KAZN: variants seen among roughly 807,000 people sequenced by gnomAD.
KAZN encodes the protein kazrin, periplakin interacting protein, also known as kazrin.
Under a neutral mutation model 87.4 loss-of-function variants are expected in KAZN, and 40 were observed. The ratio of observed to expected loss-of-function variants is 0.46; its 90% CI spans 0.36 to 0.60. The LOEUF is 0.60. KAZN is among the 20% of genes least tolerant of loss of function. The probability of loss-of-function intolerance (pLI) is 0.00; values close to 1 mark genes in which losing one functional copy is unlikely to be tolerated. For missense variants in KAZN, 898 were observed against 1,073.9 expected (o/e 0.84, Z 2.29); for synonymous variants, 466 against 458.3 (o/e 1.02, Z -0.22).
intron 1 of KAZN, among the ~76,000 whole-genome samples, chr1:13,967,748 A>C (rs1416467924): frequency 6.6e-6 from 1 of 152,148 alleles, no homozygotes; most frequent in South Asian, 2.1e-4. Flanking sequence ...GCCAAGCCTT[A>C]AGATCCTAGT....
At chr1:14,069,029 C>T (rs1209079484) in intron 1 of KAZN, among the ~76,000 whole-genome samples, 1 of 152,158 alleles carries the variant, frequency 6.6e-6, no homozygotes, top group African/African-American at 2.4e-5. Context: ...GAACTCCTGA[C>T]CTCATGATGT....
At chr1:14,150,220 A>G (rs1645443122) in intron 1 of KAZN, among the ~76,000 whole-genome samples, 2 of 152,322 alleles carry the variant, frequency 1.3e-5, no homozygotes, top group Admixed American at 1.3e-4. Context: ...CCATGTTATC[A>G]CCACTCCAGT....
At chr1:14,124,645 G>T (rs770140914) in intron 1 of KAZN, among the ~76,000 whole-genome samples, 2 of 152,172 alleles carry the variant, frequency 1.3e-5, no homozygotes, top group Non-Finnish European at 2.9e-5. Flanking sequence ...GGACATCTTG[G>T]TATATTCGCC....
intron 2 of KAZN, among the ~76,000 whole-genome samples, chr1:14,236,132 G>A (rs190628073): frequency 4.6e-5 from 7 of 152,266 alleles, no homozygotes; most frequent in Non-Finnish European, 1.0e-4. Flanking sequence ...CAGATGTAGG[G>A]ACAATGGGAA....
intron 2 of KAZN, among the ~76,000 whole-genome samples, chr1:14,407,449 A>G (rs936141934): frequency 6.6e-6 from 1 of 152,210 alleles, no homozygotes; most frequent in Non-Finnish European, 1.5e-5. Context: ...AATGGGGGGA[A>G]AAAGAGGGAT....
intron 1 of KAZN, among the ~76,000 whole-genome samples, chr1:14,691,730 G>A (rs983736344): frequency 6.6e-6 from 1 of 151,976 alleles, no homozygotes; most frequent in African/African-American, 2.4e-5. Context: ...CAAGTGATCT[G>A]CCCGCCTCAG....
At chr1:14,518,565 G>T (rs1234372600) in intron 2 of KAZN, among the ~76,000 whole-genome samples, 3 of 152,218 alleles carry the variant, frequency 2.0e-5, no homozygotes, top group Non-Finnish European at 4.4e-5. Flanking sequence ...CCAAGGAAGA[G>T]ATGATCTGCT....
chr1:14,969,393 C>T (rs1664783360), intron 2 of KAZN, among the ~76,000 whole-genome samples: 1 of 152,250 alleles, frequency 6.6e-6, no homozygotes, highest in Non-Finnish European at 1.5e-5. Context: ...TAAATTCATA[C>T]GCTTGAAGCT....
At position 15,099,161 on chromosome 1, in the gene KAZN, C is replaced by T. The variant is rs1452536219; in HGVS notation, c.1548-2382C>T. Among the ~76,000 whole-genome samples, 3 of 152,020 alleles carry T rather than the reference C, an allele frequency of 2.0e-5. No individual in the cohort carries two copies. The highest frequency in any genetic ancestry group is 4.4e-5 in the Non-Finnish European group (3 of 67,992). ...CGGAGACAAGGGGGTCCCAGTGGAC[C>T]CAAGTGGTTCTGGGAGGCTGATGGG... On this transcript the variant is annotated intron_variant, in intron 10 of 14. Coordinates refer to ENST00000376030, the MANE Select transcript of KAZN (RefSeq NM_201628.3). The surrounding 1 kb of genome is among the most constrained non-coding windows in gnomAD (Gnocchi z 5.4).
chr1:14,598,072 T>C (rs959790246), upstream of KAZN, among the ~76,000 whole-genome samples: 2 of 152,168 alleles, frequency 1.3e-5, no homozygotes, highest in African/African-American at 4.8e-5. This position sits in a 1 kb window ranked among gnomAD's most constrained non-coding sequence, Gnocchi z 4.2. Context: ...CTAAGGCTGC[T>C]CCTCCACCTG....
At chr1:14,681,633 A>T (rs374317938) in intron 1 of KAZN, among the ~76,000 whole-genome samples, 2 of 17,396 alleles carry the variant, frequency 1.1e-4, no homozygotes, top group East Asian at 2.6e-3. Context: ...ATATATATAT[A>T]TATATATATA....
chr1:13,929,923 G>T (rs1190441975), intron 1 of KAZN, among the ~76,000 whole-genome samples: 1 of 152,184 alleles, frequency 6.6e-6, no homozygotes, highest in African/African-American at 2.4e-5. Flanking sequence ...GGAGGCTGAG[G>T]CACTGAGTGT....
At chr1:14,580,292 A>C (rs1437321160) in intron 2 of KAZN, among the ~76,000 whole-genome samples, 4 of 152,128 alleles carry the variant, frequency 2.6e-5, no homozygotes, top group Non-Finnish European at 4.4e-5. Flanking sequence ...CCTGACCAAC[A>C]CGGGGAAACC....
intron 1 of KAZN, among the ~76,000 whole-genome samples, chr1:13,970,012 T>C (rs544392271): frequency 2.6e-5 from 4 of 152,296 alleles, no homozygotes; most frequent in Admixed American, 1.3e-4. Context: ...AAAAAGCAAA[T>C]GCAAAACTTG....
chr1:14,646,198 T>TA lies in KAZN; in HGVS notation c.226+46975_226+46976insA, dbSNP rs370032708. 1.5e-3 allele frequency among the ~76,000 whole-genome samples: 230 copies of TA among 152,280 alleles called. 2 individuals carry two copies. Among genetic ancestry groups the TA allele is most frequent in the African/African-American group, 5.3e-3 (221 of 41,562 alleles). On this transcript the variant is annotated intron_variant, in intron 1 of 14. Coordinates refer to ENST00000376030, the MANE Select transcript of KAZN (RefSeq NM_201628.3). ...AGTGCAGGTTACGTGAATCTATACA[T>TA]TGTTAAATTCATGGATTTATACATC...
intron 2 of KAZN, among the ~76,000 whole-genome samples, chr1:14,287,969 G>A (rs954215238): frequency 9.2e-5 from 14 of 152,204 alleles, no homozygotes; most frequent in Admixed American, 5.2e-4. Flanking sequence ...GTGTTTATGT[G>A]ATGGATTACA....
rs149183799 is a variant in KAZN at position 14,488,531 on chromosome 1, C to T, written c.250-110452C>T. 4.3e-4 allele frequency among the ~76,000 whole-genome samples: 65 copies of T among 152,278 alleles called. 2 individuals carry two copies. The highest frequency in any genetic ancestry group is 1.5e-3 in the African/African-American group (64 of 41,548). ...CCACTTCCCCATCTAGAACATGGGG[C>T]TTGTAATAGTGGCAACCTCATAGGC... is the stretch of plus-strand genomic sequence containing the variant. On this transcript the variant is annotated intron_variant, in intron 2 of 16. Transcript: ENST00000636203.
At chr1:14,560,607 G>A (rs1406597808) in intron 2 of KAZN, among the ~76,000 whole-genome samples, 2 of 152,100 alleles carry the variant, frequency 1.3e-5, no homozygotes, top group African/African-American at 2.4e-5. Flanking sequence ...ATACCTACCT[G>A]ACAAGTTGTT....
Position 15,081,485 on chromosome 1 carries a change from C to T in KAZN, c.1223-12695C>T, listed in dbSNP as rs867713052. Reference sequence around the variant, plus strand: ...TGGTCTGGTGGGAGACACAGACTTTCATCGAATAATTACACAACTGTTCGT... The same window carrying T: ...TGGTCTGGTGGGAGACACAGACTTTTATCGAATAATTACACAACTGTTCGT... On this transcript the variant is annotated intron_variant, in intron 8 of 14. Transcript: ENST00000376030. This position sits in a 1 kb window ranked among gnomAD's most constrained non-coding sequence, Gnocchi z 4.1. 6.6e-6 allele frequency among the ~76,000 whole-genome samples: 1 copy of T among 152,140 alleles called. No individual in the cohort carries two copies. The highest frequency in any genetic ancestry group is 2.1e-4 in the South Asian group (1 of 4,828).
Sources: gnomAD v4.1 joint callset for allele counts (sites outside exome capture counted in the v4.1 genomes callset) on GRCh38, gnomAD v4.1.1 for gene constraint, Gnocchi (gnomAD v3.1) non-coding constraint, MANE v1.5 for transcripts, NCBI Gene and HGNC (gene_info 2026-07-23, HGNC 2026-07-21) for gene names.